NALF1: variants seen among roughly 807,000 people sequenced by gnomAD.
NALF1 encodes family with sequence similarity 155 member A.
NALF1 carries 3 observed loss-of-function variants against 48.4 expected under a neutral mutation model. That is an observed-to-expected ratio of 0.06 (90% CI 0.03 to 0.16). The LOEUF (loss-of-function observed/expected upper bound fraction) is 0.16, where lower values mean the gene tolerates loss of function less well. Among genes scored for constraint, NALF1 ranks in the 10% least tolerant of loss-of-function variants. The probability of loss-of-function intolerance (pLI) is 1.00; values close to 1 mark genes in which losing one functional copy is unlikely to be tolerated. For missense variants in NALF1, 526 were observed against 571.5 expected (o/e 0.92, Z 0.81); for synonymous variants, 262 against 245.7 (o/e 1.07, Z -0.62).
intron 1 of NALF1, among the ~76,000 whole-genome samples, chr13:107,467,538 A>G (rs1885024740): frequency 6.6e-6 from 1 of 152,244 alleles, no homozygotes; most frequent in East Asian, 1.9e-4. Flanking sequence ...GTGTTGCCAT[A>G]AAGTCAAGCT....
intron 1 of NALF1, among the ~76,000 whole-genome samples, chr13:107,269,450 T>C (rs571386894): frequency 6.6e-6 from 1 of 152,274 alleles, no homozygotes; most frequent in East Asian, 1.9e-4. Flanking sequence ...GATCAGATAG[T>C]ATGATTGATT....
At chr13:107,296,570 C>A (rs1242476724) in intron 1 of NALF1, among the ~76,000 whole-genome samples, 1 of 152,092 alleles carries the variant, frequency 6.6e-6, no homozygotes, top group East Asian at 1.9e-4. Context: ...GCTCTTATTT[C>A]AAATTGTTGG....
At chr13:107,469,296 G>A (rs1885058341) in intron 1 of NALF1, among the ~76,000 whole-genome samples, 1 of 152,152 alleles carries the variant, frequency 6.6e-6, no homozygotes, top group Non-Finnish European at 1.5e-5. Flanking sequence ...ATTTACAGAT[G>A]ATACTTCTCA....
intron 2 of NALF1, among the ~76,000 whole-genome samples, chr13:107,178,389 CA>C (rs1878984591): frequency 6.6e-6 from 1 of 152,112 alleles, no homozygotes. Flanking sequence ...TAAAAATTGG[CA>C]AAAGATCTGA....
At chr13:107,753,449 T>G (rs1739243845) in intron 1 of NALF1, among the ~76,000 whole-genome samples, 1 of 151,946 alleles carries the variant, frequency 6.6e-6, no homozygotes, top group Non-Finnish European at 1.5e-5. Flanking sequence ...GTTGTTGTTG[T>G]ACCAATGTAA....
At chr13:107,432,251 A>G (rs1371045467) in intron 1 of NALF1, among the ~76,000 whole-genome samples, 1 of 152,160 alleles carries the variant, frequency 6.6e-6, no homozygotes, top group Non-Finnish European at 1.5e-5. Flanking sequence ...CAAAGGGCTG[A>G]CACCAAACCA....
At chr13:107,357,208 C>T (rs1164528089) in intron 1 of NALF1, among the ~76,000 whole-genome samples, 1 of 152,162 alleles carries the variant, frequency 6.6e-6, no homozygotes, top group African/African-American at 2.4e-5. Flanking sequence ...CCCCAGGAAA[C>T]TCACAATCAT....
chr13:107,651,628 C>T (rs1293958282), intron 1 of NALF1, among the ~76,000 whole-genome samples: 1 of 152,196 alleles, frequency 6.6e-6, no homozygotes, highest in Admixed American at 6.5e-5. Flanking sequence ...ATGGAGCAGA[C>T]ATTTCAGCTT....
At chr13:107,250,214 T>C (rs779235234) in intron 1 of NALF1, among the ~76,000 whole-genome samples, 5 of 152,094 alleles carry the variant, frequency 3.3e-5, no homozygotes, top group African/African-American at 4.8e-5. Flanking sequence ...ATGCTAGTTA[T>C]ACACCAGAAA....
chr13:107,606,024 G>A lies in NALF1; in HGVS notation c.915+259658C>T, dbSNP rs186595730. 2.2e-3 allele frequency among the ~76,000 whole-genome samples: 337 copies of A among 152,166 alleles called. 1 individual carries two copies. Among genetic ancestry groups the A allele is most frequent in the African/African-American group, 7.7e-3 (320 of 41,512 alleles). Reference sequence around the variant, plus strand: ...TAGCCAGATCTCCAAAAAATTTCCCGAAATACCCTACAGCACACAAGTCTT... The same window carrying A: ...TAGCCAGATCTCCAAAAAATTTCCCAAAATACCCTACAGCACACAAGTCTT... On this transcript the variant is annotated intron_variant, in intron 1 of 2. Transcript: ENST00000375915.
chr13:107,775,591 A>T (rs1877709280), intron 1 of NALF1, among the ~76,000 whole-genome samples: 1 of 151,530 alleles, frequency 6.6e-6, no homozygotes, highest in African/African-American at 2.4e-5. Flanking sequence ...TGGCTGGGTC[A>T]AATGGTATTT....
chr13:107,409,164 T>A (rs985366002), intron 1 of NALF1, among the ~76,000 whole-genome samples: 1 of 152,080 alleles, frequency 6.6e-6, no homozygotes, highest in South Asian at 2.1e-4. Flanking sequence ...TTAAGAAAGA[T>A]TAACCACCCA....
intron 1 of NALF1, among the ~76,000 whole-genome samples, chr13:107,552,614 G>A (rs1877327488): frequency 6.6e-6 from 1 of 152,048 alleles, no homozygotes; most frequent in African/African-American, 2.4e-5. Flanking sequence ...AGGCACCACG[G>A]AGTCCCCACC....
chr13:107,175,048 TA>T, intron 2 of NALF1, among the ~76,000 whole-genome samples: 1 of 64,646 alleles, frequency 1.5e-5, no homozygotes, highest in East Asian at 3.5e-4. Flanking sequence ...GACGCCCGGC[TA>T]ACTTTTTTTT....
intron 1 of NALF1, among the ~76,000 whole-genome samples, chr13:107,353,713 T>C (rs1487213668): frequency 4.6e-5 from 7 of 152,202 alleles, no homozygotes; most frequent in Non-Finnish European, 2.9e-5. Flanking sequence ...TTGTTTTAAG[T>C]CACAAACTTT....
At chr13:107,473,724 G>C (rs76055970) in intron 1 of NALF1, among the ~76,000 whole-genome samples, 1,804 of 152,234 alleles carry the variant, frequency 0.012, 20 homozygotes, top group South Asian at 0.035. Context: ...TTCAGCAGAC[G>C]CCCTTCCACC....
intron 1 of NALF1, among the ~76,000 whole-genome samples, chr13:107,811,927 G>C (rs923126986): frequency 6.6e-6 from 1 of 152,184 alleles, no homozygotes; most frequent in East Asian, 1.9e-4. Context: ...TCAAGCCATA[G>C]CAACACCTTT....
At chr13:107,178,089 C>T (rs1272165346) in intron 2 of NALF1, among the ~76,000 whole-genome samples, 1 of 151,926 alleles carries the variant, frequency 6.6e-6, no homozygotes, top group Non-Finnish European at 1.5e-5. Context: ...ATATCTCAAA[C>T]TACGAAATTA....
At chr13:107,793,184 T>C (rs1956797512) in intron 1 of NALF1, among the ~76,000 whole-genome samples, 2 of 152,218 alleles carry the variant, frequency 1.3e-5, no homozygotes, top group South Asian at 4.1e-4. Context: ...TCTGTGCCCT[T>C]TTAACTCAAA....
Sources: gnomAD v4.1 joint callset for allele counts (sites outside exome capture counted in the v4.1 genomes callset) on GRCh38, gnomAD v4.1.1 for gene constraint, MANE v1.5 for transcripts, NCBI Gene and HGNC (gene_info 2026-07-23, HGNC 2026-07-21) for gene names.